DLG2: variants seen among roughly 807,000 people sequenced by gnomAD.
DLG2 encodes the protein discs large MAGUK scaffold protein 2, also known as disks large homolog 2.
DLG2 carries 45 observed loss-of-function variants against 132.5 expected under a neutral mutation model. The observed-to-expected ratio is 0.34, with a 90% CI of 0.27 to 0.44. The LOEUF (loss-of-function observed/expected upper bound fraction) is 0.44, where lower values mean the gene tolerates loss of function less well. Ranked by LOEUF, DLG2 falls within the 20% of genes least tolerant of loss-of-function variation. DLG2 has a pLI of 1.00. For synonymous variants in DLG2, 424 were observed against 419.6 expected (o/e 1.01, Z -0.13); for missense variants, 1,045 against 1,196.9 (o/e 0.87, Z 1.87).
At chr11:84,235,506 T>A (rs1424008039) in intron 8 of DLG2, among the ~76,000 whole-genome samples, 2 of 152,072 alleles carry the variant, frequency 1.3e-5, no homozygotes, top group Non-Finnish European at 2.9e-5. Context: ...ATAGCACCAC[T>A]GTACTCTAGT....
At chr11:85,585,083 A>G (rs2078879200) in intron 3 of DLG2, among the ~76,000 whole-genome samples, 1 of 152,194 alleles carries the variant, frequency 6.6e-6, no homozygotes, top group African/African-American at 2.4e-5. Context: ...GCCTAAGCCA[A>G]TGTCTAGAAG....
chr11:84,432,062 T>C (rs2098986337), intron 7 of DLG2, among the ~76,000 whole-genome samples: 1 of 152,206 alleles, frequency 6.6e-6, no homozygotes, highest in Non-Finnish European at 1.5e-5. Context: ...CTGAGGATTG[T>C]AGAAAAATGA....
chr11:84,113,158 T>A (rs2093449998), intron 9 of DLG2, among the ~76,000 whole-genome samples: 1 of 152,152 alleles, frequency 6.6e-6, no homozygotes, highest in Non-Finnish European at 1.5e-5. Context: ...ACACAAAAAA[T>A]TAATTTTACT....
chr11:84,770,994 A>G (rs1305203864), intron 6 of DLG2, among the ~76,000 whole-genome samples: 1 of 151,996 alleles, frequency 6.6e-6, no homozygotes, highest in Non-Finnish European at 1.5e-5. Context: ...CATGGTGTAT[A>G]CGTACGCCAT....
At chr11:84,789,876 G>A (rs998393221) in intron 6 of DLG2, among the ~76,000 whole-genome samples, 8 of 152,028 alleles carry the variant, frequency 5.3e-5, no homozygotes, top group African/African-American at 1.7e-4. Flanking sequence ...TTAATATAAT[G>A]ACCTCCAATT....
At chr11:84,900,083 G>A (rs1023893695) in intron 6 of DLG2, among the ~76,000 whole-genome samples, 11 of 152,010 alleles carry the variant, frequency 7.2e-5, no homozygotes, top group Admixed American at 3.3e-4. Flanking sequence ...TACATATGAT[G>A]GCTGGTGGTA....
In DLG2 at chr11:85,495,464, T is replaced by G. The variant is rs547833418; in HGVS notation, c.40+103193A>C. 2.5e-3 allele frequency among the ~76,000 whole-genome samples: 377 copies of G among 152,154 alleles called. 2 individuals carry two copies. Among genetic ancestry groups the G allele is most frequent in the Non-Finnish European group, 4.0e-3 (271 of 68,004 alleles). On this transcript the variant is annotated intron_variant, in intron 3 of 27. Coordinates refer to ENST00000376104, the MANE Select transcript of DLG2 (RefSeq NM_001142699.3). The stretch of plus-strand genomic sequence containing the variant: ...AAAAACAAACAACCCCATCAAAAAG[T>G]AGGCAAAAGATATGAATAGACACTT...
At chr11:84,873,364 A>T (rs2085795438) in intron 6 of DLG2, among the ~76,000 whole-genome samples, 1 of 152,242 alleles carries the variant, frequency 6.6e-6, no homozygotes, top group Non-Finnish European at 1.5e-5. Context: ...GAACCTCCAA[A>T]AGGAACACAG....
In DLG2 at chr11:84,117,037, T is replaced by A. The variant is rs141307415; in HGVS notation, c.625-17990A>T. Among the ~76,000 whole-genome samples, 49 of 152,306 alleles carry A rather than the reference T, an allele frequency of 3.2e-4. 3 individuals are homozygous for A. The Middle Eastern group carries it at 0.034, about 106-fold the overall frequency. ...TATGGTCCTGATAAGCCTTGCAACT[T>A]TGCTCTCAGACTTTCCCTCACCTCT... On this transcript the variant is annotated intron_variant, in intron 9 of 27. Coordinates refer to ENST00000376104, the MANE Select transcript of DLG2 (RefSeq NM_001142699.3).
rs138553224 is a variant in DLG2 at position 83,671,387 on chromosome 11, G to A, written c.1826-38062C>T. On this transcript the variant is annotated intron_variant, in intron 18 of 27. Coordinates refer to ENST00000376104, the MANE Select transcript of DLG2 (RefSeq NM_001142699.3). ...CACATCCTGATGTAGAGTCTGTATC[G>A]ATTCATTTATCTTTTCATCCTTCTA... Among the ~76,000 whole-genome samples the A allele has an allele frequency of 1.7e-3, 260 of 152,240 alleles. 1 individual carries two copies. Among genetic ancestry groups the A allele is most frequent in the African/African-American group, 5.9e-3 (245 of 41,518 alleles).
intron 2 of DLG2, among the ~76,000 whole-genome samples, chr11:85,608,542 A>G (rs1173213530): frequency 6.6e-6 from 1 of 152,138 alleles, no homozygotes; most frequent in East Asian, 1.9e-4. Context: ...AGGATCTTTC[A>G]GCTTACCCTC....
intron 18 of DLG2, among the ~76,000 whole-genome samples, chr11:83,668,648 T>C (rs1388361405): frequency 6.6e-6 from 1 of 151,004 alleles, no homozygotes; most frequent in Non-Finnish European, 1.5e-5. Context: ...TATACACACA[T>C]GTGTATGTAT....
rs532812864 is a variant in DLG2 at position 84,059,358 on chromosome 11, A to C, written c.876T>G (p.Ile292Met). 1 of 1,613,750 alleles carries C rather than the reference A, an allele frequency of 6.2e-7. No homozygotes were observed. The highest frequency in any genetic ancestry group is 8.5e-7 in the Non-Finnish European group (1 of 1,179,830). ...GTTTGATTTCCACAACGGTCTCCAA[A>C]ATAGGTCGTCTTCTACGCACATACA... is the stretch of plus-strand genomic sequence containing the variant. ...VRLYVRRRRP[I>M]LETVVEIKLF... Residue 292 changes from isoleucine to methionine, a missense_variant, in exon 11 of 28, where the codon ATT (isoleucine) becomes ATG (methionine). Coordinates refer to ENST00000376104, the MANE Select transcript of DLG2 (RefSeq NM_001142699.3).
Position 84,373,253 on chromosome 11 carries a change from A to AAAAAAAAAAAC in DLG2, c.520-121963_520-121962insGTTTTTTTTTT, listed in dbSNP as rs1567448348. Among the ~76,000 whole-genome samples the AAAAAAAAAAAC allele has an allele frequency of 1.8e-4, 15 of 85,232 alleles. 1 individual carries two copies. Among genetic ancestry groups the AAAAAAAAAAAC allele is most frequent in the Admixed American group, 6.9e-4 (6 of 8,638 alleles). 55.9% of individuals were successfully genotyped at this position (85,232 alleles called of 152,430 possible). On this transcript the variant is annotated intron_variant, in intron 7 of 27. Coordinates refer to ENST00000376104, the MANE Select transcript of DLG2 (RefSeq NM_001142699.3). ...TTTTTCCAATTAAGAAACAGTCAAA[A>AAAAAAAAAAAC]AAAAAAAAAAACAAAACAAAAAAAA...
intron 6 of DLG2, among the ~76,000 whole-genome samples, chr11:84,947,903 G>A (rs914131919): frequency 1.3e-5 from 2 of 152,148 alleles, no homozygotes; most frequent in Admixed American, 6.5e-5. Flanking sequence ...TAGACAATGG[G>A]AGTAACAGGC....
intron 6 of DLG2, among the ~76,000 whole-genome samples, chr11:84,844,135 GTATATATATA>G (rs74200849): frequency 4.3e-4 from 19 of 43,694 alleles, no homozygotes; most frequent in Admixed American, 1.1e-3. Flanking sequence ...GTGTGTGTGT[GTATATATATA>G]TATATATATA....
chr11:85,443,458 T>G (rs1188726871), intron 3 of DLG2, among the ~76,000 whole-genome samples: 1 of 152,182 alleles, frequency 6.6e-6, no homozygotes, highest in Non-Finnish European at 1.5e-5. Context: ...CTCTTTAAGA[T>G]CACCTCCAAC....
rs1295503823 is a variant in DLG2 at position 83,458,190 on chromosome 11, A to G, written c.*1628T>C. 6.6e-6 allele frequency: 1 copy of G among 152,610 alleles called. No homozygotes were observed. The highest frequency in any genetic ancestry group is 1.5e-5 in the Non-Finnish European group (1 of 68,040). 9.5% of individuals were successfully genotyped at this position (152,610 alleles called of 1,614,324 possible). ...TGGGCATGCACAGAACCCAGAGTAG[A>G]GTGGTTATTATCACTGAAAAGTCTC... On this transcript the variant is annotated 3_prime_UTR_variant, in exon 28 of 28. Coordinates refer to ENST00000376104, the MANE Select transcript of DLG2 (RefSeq NM_001142699.3).
intron 19 of DLG2, among the ~76,000 whole-genome samples, chr11:83,568,869 G>A (rs1342040865): frequency 5.9e-5 from 9 of 151,928 alleles, no homozygotes; most frequent in African/African-American, 1.7e-4. Context: ...ATTATTTCTT[G>A]TCTGTTGACC....
Sources: allele counts gnomAD v4.1 joint callset (sites outside exome capture counted in the v4.1 genomes callset), GRCh38; gene constraint gnomAD v4.1.1; transcripts MANE v1.5; gene names NCBI Gene and HGNC (gene_info 2026-07-23, HGNC 2026-07-21).